The following RIMS2 variants were observed in gnomAD, a reference collection of about 807,000 sequenced individuals.
The protein encoded by RIMS2 is regulating synaptic membrane exocytosis 2.
A neutral mutation model predicts 174.4 loss-of-function variants in RIMS2; 59 were observed. That is an observed-to-expected ratio of 0.34 (90% CI 0.27 to 0.42). RIMS2 has a LOEUF of 0.42. Among genes scored for constraint, RIMS2 ranks in the 10% least tolerant of loss-of-function variants. The pLI is 1.00. For missense variants in RIMS2, 1,620 were observed against 1,666.3 expected, an observed-to-expected ratio of 0.97 and a Z score of 0.48; for synonymous variants, 606 against 572.5, an observed-to-expected ratio of 1.06 and a Z score of -0.84.
intron 1 of RIMS2, among the ~76,000 whole-genome samples, chr8:103,584,582 G>T (rs3095743): frequency 6.6e-6 from 1 of 152,182 alleles, no homozygotes; most frequent in South Asian, 2.1e-4. Flanking sequence ...AATTTAAAAT[G>T]GGGGAGGATG....
intron 19 of RIMS2, among the ~76,000 whole-genome samples, chr8:104,064,522 CATTT>C (rs1490655752): frequency 2.0e-5 from 3 of 151,842 alleles, no homozygotes; most frequent in African/African-American, 7.2e-5. Flanking sequence ...TTTAAAATGT[CATTT>C]AGTAGGAATG....
intron 3 of RIMS2, among the ~76,000 whole-genome samples, chr8:103,808,127 C>T (rs2098662639): frequency 6.6e-6 from 1 of 152,076 alleles, no homozygotes; most frequent in Non-Finnish European, 1.5e-5. Context: ...AGCTATTTTC[C>T]CGAGAGTTGT....
chr8:103,947,125 G>C lies in RIMS2; in HGVS notation c.2701+4199G>C, dbSNP rs559918170. 1.6e-4 allele frequency among the ~76,000 whole-genome samples: 25 copies of C among 152,320 alleles called. No homozygotes were observed. In the East Asian group the frequency reaches 3.5e-3, roughly 21 times the overall value. On this transcript the variant is annotated intron_variant, in intron 14 of 23. Transcript: ENST00000504942. ...CTTAAAATGGATAATAGACCCAGCT[G>C]TAAGAGTTAAGACTATAAAAGTCTT...
At chr8:103,544,254 C>G (rs779457108) in intron 1 of RIMS2, among the ~76,000 whole-genome samples, 1 of 152,226 alleles carries the variant, frequency 6.6e-6, no homozygotes, top group Non-Finnish European at 1.5e-5. Context: ...ACTCTGCCTA[C>G]CCCTGCTGCT....
intron 19 of RIMS2, among the ~76,000 whole-genome samples, chr8:104,171,582 A>T (rs1248259285): frequency 6.6e-6 from 1 of 151,774 alleles, no homozygotes; most frequent in South Asian, 2.1e-4. Flanking sequence ...TTGTTTTCAC[A>T]TTTCTGTTAT....
chr8:103,735,855 G>T (rs1430676329), intron 2 of RIMS2, among the ~76,000 whole-genome samples: 5 of 152,044 alleles, frequency 3.3e-5, no homozygotes, highest in African/African-American at 1.2e-4. Context: ...GCATTCTTTT[G>T]TCAGTAGATG....
intron 3 of RIMS2, among the ~76,000 whole-genome samples, chr8:103,867,716 G>GA (rs941695315): frequency 1.3e-5 from 2 of 151,682 alleles, no homozygotes; most frequent in Non-Finnish European, 3.0e-5. Flanking sequence ...TCTAATGTTA[G>GA]AAAAAATCTA....
At chr8:103,739,367 TG>T (rs1265854582) in intron 2 of RIMS2, among the ~76,000 whole-genome samples, 1 of 151,952 alleles carries the variant, frequency 6.6e-6, no homozygotes, top group Non-Finnish European at 1.5e-5. Context: ...CATCACACAC[TG>T]GGGCCTGTCG....
At chr8:103,684,803 T>C (rs552082192) in intron 1 of RIMS2, among the ~76,000 whole-genome samples, 41 of 152,016 alleles carry the variant, frequency 2.7e-4, no homozygotes, top group African/African-American at 9.6e-4. Context: ...GCCAGGTTGG[T>C]CTCAAACTCC....
At chr8:103,958,198 T>C (rs1333816382) in intron 14 of RIMS2, among the ~76,000 whole-genome samples, 1 of 152,212 alleles carries the variant, frequency 6.6e-6, no homozygotes, top group East Asian at 1.9e-4. Context: ...GTGGTACATA[T>C]ACACCATAGA....
At chr8:104,187,462 C>A (rs1328601764) in intron 19 of RIMS2, among the ~76,000 whole-genome samples, 1 of 151,778 alleles carries the variant, frequency 6.6e-6, no homozygotes, top group Non-Finnish European at 1.5e-5. Context: ...GAAAATAAAT[C>A]TGTAGGTGAA....
At chr8:103,896,113 C>A (rs1211900809) in intron 4 of RIMS2, among the ~76,000 whole-genome samples, 1 of 151,638 alleles carries the variant, frequency 6.6e-6, no homozygotes, top group Non-Finnish European at 1.5e-5. Flanking sequence ...TTCTGAGGGT[C>A]TCTTATTTCC....
chr8:103,828,677 AT>A (rs956155359), intron 3 of RIMS2, among the ~76,000 whole-genome samples: 106 of 143,818 alleles, frequency 7.4e-4, no homozygotes, highest in Non-Finnish European at 1.0e-3. Flanking sequence ...GGTATTTCCT[AT>A]TTTTTTTTTA....
chr8:103,780,912 T>A (rs73697657), intron 3 of RIMS2, among the ~76,000 whole-genome samples: 7,312 of 152,194 alleles, frequency 0.048, 586 homozygotes, highest in African/African-American at 0.17. Context: ...GTTTACCTGT[T>A]GATTTTTTTT....
At chr8:103,753,798 G>A (rs1363313881) in intron 2 of RIMS2, among the ~76,000 whole-genome samples, 2 of 151,954 alleles carry the variant, frequency 1.3e-5, no homozygotes, top group African/African-American at 4.8e-5. Context: ...TTTTTATTGC[G>A]TCTATTTGAT....
At chr8:103,723,866 C>T (rs1206184730) in intron 2 of RIMS2, among the ~76,000 whole-genome samples, 4 of 152,126 alleles carry the variant, frequency 2.6e-5, no homozygotes, top group Non-Finnish European at 5.9e-5. Flanking sequence ...TGGTCTTATC[C>T]TGGTATGGGC....
At chr8:103,580,445 ATGTGTG>A (rs35882328) in intron 1 of RIMS2, among the ~76,000 whole-genome samples, 31 of 149,756 alleles carry the variant, frequency 2.1e-4, no homozygotes, top group Admixed American at 4.0e-4. Context: ...ATATGTGTGC[ATGTGTG>A]TGTGTGTGTG....
chr8:103,945,585 A>C (rs1176526308), intron 14 of RIMS2, among the ~76,000 whole-genome samples: 1 of 152,172 alleles, frequency 6.6e-6, no homozygotes, highest in Non-Finnish European at 1.5e-5. Context: ...AAAAGATTAT[A>C]CACCATAACC....
rs574450012 is a variant in RIMS2 at position 103,610,331 on chromosome 8, A to G, written c.177-86755A>G. 3.9e-5 allele frequency among the ~76,000 whole-genome samples: 6 copies of G among 151,942 alleles called. 1 individual carries two copies. Among genetic ancestry groups the G allele is most frequent in the Admixed American group, 1.3e-4 (2 of 15,224 alleles). On this transcript the variant is annotated intron_variant, in intron 1 of 23. Transcript: ENST00000504942. Reference sequence around the variant, plus strand: ...TTTGGATGCCTTTTATTTCTTTTTCATGTCTCATTGCTCTGGTCAGGACTT... The same window carrying G: ...TTTGGATGCCTTTTATTTCTTTTTCGTGTCTCATTGCTCTGGTCAGGACTT...
Sources: gnomAD v4.1 joint callset for allele counts (sites outside exome capture counted in the v4.1 genomes callset) on GRCh38, gnomAD v4.1.1 for gene constraint, MANE v1.5 for transcripts, NCBI Gene and HGNC (gene_info 2026-07-23, HGNC 2026-07-21) for gene names.